Variants in IQGAP1 observed in about 807,000 individuals in gnomAD.
The protein encoded by IQGAP1 is IQ motif containing GTPase activating protein 1, also known as ras GTPase-activating-like protein IQGAP1.
Under a neutral mutation model 215.6 loss-of-function variants are expected in IQGAP1, and 66 were observed. The observed-to-expected ratio is 0.31, with a 90% CI of 0.25 to 0.38. The LOEUF is 0.38. Among genes scored for constraint, IQGAP1 ranks in the 10% least tolerant of loss-of-function variants. IQGAP1 has a pLI of 1.00. For synonymous variants in IQGAP1, 772 were observed against 728.7 expected, an observed-to-expected ratio of 1.06 and a Z score of -0.96; for missense variants, 1,712 against 1,997.1, an observed-to-expected ratio of 0.86 and a Z score of 2.72.
intron 31 of IQGAP1, 190 bp from the exon 32 acceptor site, chr15:90,486,764 A>G (rs937625607): frequency 3.4e-6 from 2 of 590,484 alleles, no homozygotes; most frequent in Admixed American, 3.2e-5. Context: ...TTATGGAGTT[A>G]TTATGGATCC....
At chr15:90,453,075 C>T in intron 12 of IQGAP1, 57 bp from the exon 13 acceptor site, 1 of 1,563,446 alleles carries the variant, frequency 6.4e-7, no homozygotes, top group Non-Finnish European at 8.7e-7. Context: ...TTATAACTCC[C>T]TGGGTCTTGG....
At chr15:90,391,077 A>G (rs1166474229) in intron 2 of IQGAP1, 4 of 443,922 alleles carry the variant, frequency 9.0e-6, no homozygotes, top group Non-Finnish European at 1.7e-5. Flanking sequence ...CTCTACAAAA[A>G]AATTTTAAAA....
At chr15:90,395,943 C>T (rs1964712673) in intron 2 of IQGAP1, among the ~76,000 whole-genome samples, 1 of 152,104 alleles carries the variant, frequency 6.6e-6, no homozygotes, top group African/African-American at 2.4e-5. Context: ...CTGTCATGGG[C>T]CACCTTTCTG....
At chr15:90,390,668 A>T (rs1210400365) in intron 1 of IQGAP1, 106 bp from the exon 2 acceptor site, 2 of 737,988 alleles carry the variant, frequency 2.7e-6, no homozygotes, top group Admixed American at 2.1e-5. Flanking sequence ...CTCATTAGTT[A>T]TCCTGACTTT....
At chr15:90,466,512 G>C in intron 17 of IQGAP1, 76 bp downstream of exon 17, 1 of 1,420,538 alleles carries the variant, frequency 7.0e-7, no homozygotes, top group East Asian at 2.3e-5. Context: ...AGAGGAAAGG[G>C]ATAAGCTATA....
intron 33 of IQGAP1, among the ~76,000 whole-genome samples, chr15:90,489,784 G>A (rs888927047): frequency 2.6e-5 from 4 of 152,236 alleles, no homozygotes; most frequent in African/African-American, 9.6e-5. Flanking sequence ...GTTGAACCTA[G>A]AAAGAAATTT....
chr15:90,409,258 GA>G (rs1964923506), intron 2 of IQGAP1, among the ~76,000 whole-genome samples: 1 of 103,078 alleles, frequency 9.7e-6, no homozygotes, highest in Non-Finnish European at 1.9e-5. Context: ...TTTTTTTTTA[GA>G]TAAGGTCTGG....
chr15:90,426,211 C>A lies in IQGAP1; in HGVS notation c.257C>A (p.Ser86Tyr). The stretch of plus-strand genomic sequence containing the variant: ...CTTGCCAAACTGGGGAACTTCTTCT[C>A]TCCCAAAGTAGTGTCCCTGAAAAAA... ...VYLAKLGNFF[S>Y]PKVVSLKKIY... Residue 86 changes from serine (S) to tyrosine (Y), a missense_variant, in exon 3 of 38, where the codon TCT (serine) becomes TAT (tyrosine). Ser to Tyr is a moderately radical substitution (Grantham distance 144). Around this residue, in one of 2 missense-constraint regions of IQGAP1, gnomAD observed 1,021 missense variants for 1,074.2 expected, o/e 0.95. Transcript: ENST00000268182. 1 of 1,603,730 alleles carries A rather than the reference C, an allele frequency of 6.2e-7. No homozygotes were observed. Among genetic ancestry groups the A allele is most frequent in the Non-Finnish European group, 8.5e-7 (1 of 1,176,710 alleles).
intron 14 of IQGAP1, among the ~76,000 whole-genome samples, chr15:90,455,094 A>AT (rs1254486616): frequency 2.0e-5 from 3 of 152,202 alleles, no homozygotes; most frequent in Admixed American, 2.0e-4. Flanking sequence ...TCATCAGGCA[A>AT]TATCTGTGAG....
At chr15:90,392,748 C>CTTTTTTTTTTTTTTTTTTT (rs10701656) in intron 2 of IQGAP1, among the ~76,000 whole-genome samples, 2 of 117,808 alleles carry the variant, frequency 1.7e-5, no homozygotes, top group African/African-American at 3.5e-5. Context: ...ATGTTTCTAT[C>CTTTTTTTTTTTTTTTTTTT]TTTTTTTTTT....
chr15:90,490,099 A>G (rs773580711), intron 33 of IQGAP1, among the ~76,000 whole-genome samples: 17 of 152,182 alleles, frequency 1.1e-4, no homozygotes, highest in Non-Finnish European at 2.2e-4. Context: ...TGCTCCAGTT[A>G]GGGGGAATTA....
chr15:90,480,006 A>G (rs1966034733), intron 26 of IQGAP1, among the ~76,000 whole-genome samples: 1 of 151,898 alleles, frequency 6.6e-6, no homozygotes, highest in South Asian at 2.1e-4. Context: ...TGAGTCAGTC[A>G]TTTTCAGATC....
intron 23 of IQGAP1, 194 bp downstream of exon 23, chr15:90,474,887 GC>G: frequency 3.6e-6 from 2 of 561,696 alleles, no homozygotes; most frequent in Admixed American, 3.1e-5. Context: ...TCAGCTCACT[GC>G]AACCTCTGCC....
chr15:90,491,891 C>T (rs1966209853), intron 34 of IQGAP1, among the ~76,000 whole-genome samples: 1 of 152,104 alleles, frequency 6.6e-6, no homozygotes, highest in South Asian at 2.1e-4. Context: ...TCATCTCAAG[C>T]GAGGGGCTTT....
At chr15:90,392,164 C>T (rs1229783844) in intron 2 of IQGAP1, among the ~76,000 whole-genome samples, 1 of 152,162 alleles carries the variant, frequency 6.6e-6, no homozygotes, top group African/African-American at 2.4e-5. Context: ...AAACACTAAC[C>T]TGTATTTTGC....
At chr15:90,419,127 C>G (rs1038039688) in intron 2 of IQGAP1, among the ~76,000 whole-genome samples, 2 of 140,210 alleles carry the variant, frequency 1.4e-5, no homozygotes, top group African/African-American at 5.4e-5. Flanking sequence ...TACATAGACT[C>G]TGTCTCAAAA....
In IQGAP1 at chr15:90,445,304, CAA is replaced by C. The variant is rs1280891448; in HGVS notation, c.913+1827_913+1828del. Among the ~76,000 whole-genome samples the C allele has an allele frequency of 9.8e-4, 149 of 151,954 alleles. 2 individuals are homozygous for C. Among genetic ancestry groups the C allele is most frequent in the East Asian group, 1.4e-3 (7 of 5,178 alleles). On this transcript the variant is annotated intron_variant, in intron 9 of 37. Coordinates refer to ENST00000268182, the MANE Select transcript of IQGAP1 (RefSeq NM_003870.4). Reference sequence around the variant, plus strand: ...AATTGCCTGCTATTTAGTAAGTACTCAATGAACATTAATATTATCGCTATGTC... The same window carrying C: ...AATTGCCTGCTATTTAGTAAGTACTCTGAACATTAATATTATCGCTATGTC...
intron 18 of IQGAP1, among the ~76,000 whole-genome samples, chr15:90,472,334 G>C (rs4031435): frequency 0.42 from 64,208 of 152,084 alleles, 15,612 homozygotes; most frequent in African/African-American, 0.69. Flanking sequence ...TTTCCTGGCT[G>C]TCCAGTATCT....
intron 15 of IQGAP1, 73 bp from the exon 16 acceptor site, chr15:90,465,928 C>T (rs1368702845): frequency 1.8e-6 from 2 of 1,111,536 alleles, no homozygotes; most frequent in African/African-American, 3.1e-5. Flanking sequence ...GTCTAGGAAG[C>T]CCCCTTCTTC....
Sources: gnomAD v4.1 joint callset for allele counts (sites outside exome capture counted in the v4.1 genomes callset) on GRCh38, gnomAD v4.1.1 for gene constraint, gnomAD v4.1.1 regional missense constraint, MANE v1.5 for transcripts, NCBI Gene and HGNC (gene_info 2026-07-23, HGNC 2026-07-21) for gene names.